Variants in PDE5A observed in about 807,000 individuals in gnomAD.
The protein encoded by PDE5A is cGMP-specific 3',5'-cyclic phosphodiesterase.
PDE5A carries 67 observed loss-of-function variants against 110.2 expected under a neutral mutation model. That is an observed-to-expected ratio of 0.61 (90% CI 0.50 to 0.75). The LOEUF is 0.75. PDE5A is among the 30% of genes least tolerant of loss of function. The pLI is 0.00. For missense variants in PDE5A, 862 were observed against 1,045.1 expected (o/e 0.82, Z 2.42); for synonymous variants, 328 against 351.2 (o/e 0.93, Z 0.74).
At chr4:119,533,772 ATGT>A (rs1726627784) in intron 11 of PDE5A, among the ~76,000 whole-genome samples, 1 of 152,196 alleles carries the variant, frequency 6.6e-6, no homozygotes, top group Non-Finnish European at 1.5e-5. Context: ...GCATGTAATA[ATGT>A]TAAGATTCTG....
At chr4:119,506,127 TA>T (rs1316190348) in intron 16 of PDE5A, among the ~76,000 whole-genome samples, 195 bp from the exon 17 acceptor site, 2 of 151,850 alleles carry the variant, frequency 1.3e-5, no homozygotes, top group Non-Finnish European at 2.9e-5. Context: ...TTGCTTTCGA[TA>T]AAACATTAAA....
intron 3 of PDE5A, among the ~76,000 whole-genome samples, chr4:119,580,113 C>T (rs1728535971): frequency 6.6e-6 from 1 of 152,152 alleles, no homozygotes; most frequent in Admixed American, 6.5e-5. Flanking sequence ...TAGAGTCAAC[C>T]TGAGACTGGG....
chr4:119,553,136 A>G (rs1366603711), intron 8 of PDE5A, among the ~76,000 whole-genome samples: 1 of 152,104 alleles, frequency 6.6e-6, no homozygotes, highest in Non-Finnish European at 1.5e-5. Flanking sequence ...CAGCTGCCTC[A>G]AAGTGCAATG....
At chr4:119,506,957 G>C (rs1725578003) in intron 16 of PDE5A, among the ~76,000 whole-genome samples, 1 of 151,898 alleles carries the variant, frequency 6.6e-6, no homozygotes, top group African/African-American at 2.4e-5. Context: ...GTGATTCCCT[G>C]ACTCCCCTCA....
At chr4:119,560,389 A>G in intron 6 of PDE5A, 26 bp from the exon 7 acceptor site, 1 of 1,525,818 alleles carries the variant, frequency 6.6e-7, no homozygotes, top group South Asian at 1.3e-5. Flanking sequence ...ACAGGCTGAG[A>G]AATAAGTTTG....
intron 3 of PDE5A, among the ~76,000 whole-genome samples, chr4:119,574,444 G>C (rs1728255940): frequency 6.6e-6 from 1 of 152,070 alleles, no homozygotes; most frequent in African/African-American, 2.4e-5. Context: ...GCCTCCCAAA[G>C]TGCTGGGATT....
chr4:119,502,693 G>A, intron 18 of PDE5A, 38 bp from the exon 19 acceptor site: 1 of 1,319,370 alleles, frequency 7.6e-7, no homozygotes, highest in Non-Finnish European at 1.1e-6. Flanking sequence ...ACAATGAAAA[G>A]CATATCATTC....
chr4:119,592,570 C>T (rs909111197), intron 3 of PDE5A, among the ~76,000 whole-genome samples: 4 of 146,636 alleles, frequency 2.7e-5, no homozygotes, highest in Non-Finnish European at 4.5e-5. Flanking sequence ...AGAAATGTTT[C>T]AAGTTTTAGA....
chr4:119,543,849 A>C (rs913453536), intron 9 of PDE5A: 1 of 152,152 alleles, frequency 6.6e-6, no homozygotes, highest in Non-Finnish European at 1.5e-5. Context: ...CTTACAGGTG[A>C]GGCAGGCATT....
chr4:119,616,453 T>C (rs1156959376), intron 1 of PDE5A, among the ~76,000 whole-genome samples: 1 of 152,190 alleles, frequency 6.6e-6, no homozygotes, highest in African/African-American at 2.4e-5. Flanking sequence ...ATTATCCAGA[T>C]ATTCTACTTT....
At chr4:119,527,399 T>C (rs1726365081) in intron 11 of PDE5A, 1 of 152,142 alleles carries the variant, frequency 6.6e-6, no homozygotes, top group Non-Finnish European at 1.5e-5. Flanking sequence ...AATTCTGGGA[T>C]CTATTATTAA....
At chr4:119,621,252 G>T (rs1730132194) in intron 1 of PDE5A, among the ~76,000 whole-genome samples, 1 of 152,114 alleles carries the variant, frequency 6.6e-6, no homozygotes, top group African/African-American at 2.4e-5. Context: ...TTTCTTTTGG[G>T]AATGTACCCT....
At chr4:119,628,369 AC>A (rs1198766548) in intron 1 of PDE5A, 150 bp downstream of exon 1, 2 of 523,366 alleles carry the variant, frequency 3.8e-6, no homozygotes, top group African/African-American at 3.9e-5. Flanking sequence ...GAGTTTTTCG[AC>A]TGTGCTCGCT....
At chr4:119,594,489 T>C (rs1282284730) in intron 3 of PDE5A, among the ~76,000 whole-genome samples, 2 of 152,224 alleles carry the variant, frequency 1.3e-5, no homozygotes. Context: ...GAAATTTGAG[T>C]TGGATTTGAG....
chr4:119,595,463 TG>T (rs761428001), intron 3 of PDE5A, among the ~76,000 whole-genome samples: 2 of 152,168 alleles, frequency 1.3e-5, no homozygotes, highest in Non-Finnish European at 2.9e-5. Flanking sequence ...AATTAGCATT[TG>T]AATCAGTAGA....
At chr4:119,550,085 T>C (rs1028786043) in intron 9 of PDE5A, 2 of 152,210 alleles carry the variant, frequency 1.3e-5, no homozygotes, top group African/African-American at 4.8e-5. Flanking sequence ...TGTAGGTACA[T>C]AAGTATAGTC....
chr4:119,562,742 T>C (rs1727786049), intron 6 of PDE5A, 91 bp downstream of exon 6: 1 of 1,124,912 alleles, frequency 8.9e-7, no homozygotes, highest in East Asian at 2.7e-5. Context: ...TGAGAGAGGG[T>C]TCTAAGACCA....
intron 1 of PDE5A, among the ~76,000 whole-genome samples, chr4:119,615,979 C>T (rs1229065553): frequency 6.6e-6 from 1 of 152,166 alleles, no homozygotes; most frequent in East Asian, 1.9e-4. Context: ...ACATCACATC[C>T]ATATCTTCCT....
Position 119,504,546 on chromosome 4 carries a change from A to G in PDE5A, c.2321T>C (p.Ile774Thr). ...CACTAAGTAACATACCCGTTGTTGA[A>G]TAGGCCAGGGTTTTGTAATTGCAGA... The part of the protein sequence containing the change: ...DLSAITKPWP[I>T]QQRIAELVAT... The change falls in exon 18 of 21, where the codon ATT becomes ACT. Residue 774 changes from isoleucine to threonine, a missense_variant. Coordinates refer to ENST00000354960, the MANE Select transcript of PDE5A (RefSeq NM_001083.4). 3 of 1,611,500 alleles carry G rather than the reference A, an allele frequency of 1.9e-6. No homozygotes were observed. The highest frequency in any genetic ancestry group is 2.5e-6 in the Non-Finnish European group (3 of 1,178,390).
Sources: allele counts gnomAD v4.1 joint callset (sites outside exome capture counted in the v4.1 genomes callset), GRCh38; gene constraint gnomAD v4.1.1; transcripts MANE v1.5; gene names NCBI Gene and HGNC (gene_info 2026-07-23, HGNC 2026-07-21).